The following CTNNA3 variants were observed in gnomAD, a reference collection of about 807,000 sequenced individuals.
CTNNA3 encodes the protein catenin alpha 3.
Under a neutral mutation model 95.7 loss-of-function variants are expected in CTNNA3, and 76 were observed. The ratio of observed to expected loss-of-function variants is 0.79; its 90% CI spans 0.66 to 0.96. CTNNA3 has a LOEUF of 0.96. CTNNA3 is among the 40% of genes least tolerant of loss of function. CTNNA3 has a pLI of 0.00. For synonymous variants in CTNNA3, 431 were observed against 374.4 expected (o/e 1.15, Z -1.74); for missense variants, 1,191 against 1,089.8 (o/e 1.09, Z -1.31).
At chr10:67,696,949 TA>T (rs1564834564), upstream of CTNNA3, among the ~76,000 whole-genome samples, 1 of 152,230 alleles carries the variant, frequency 6.6e-6, no homozygotes, top group South Asian at 2.1e-4. Flanking sequence ...AGGTGCTAAC[TA>T]AAATATGAAC....
intron 7 of CTNNA3, among the ~76,000 whole-genome samples, chr10:66,779,647 C>T (rs1226298617): frequency 1.3e-5 from 2 of 152,208 alleles, no homozygotes; most frequent in African/African-American, 4.8e-5. Flanking sequence ...AGGCATAAGC[C>T]ACTGCACCTG....
intron 9 of CTNNA3, among the ~76,000 whole-genome samples, chr10:66,759,942 T>C (rs1839536002): frequency 2.6e-5 from 4 of 152,166 alleles, no homozygotes; most frequent in Admixed American, 2.6e-4. Context: ...CTAGAAAATT[T>C]AAAACTATAC....
Position 67,640,647 on chromosome 10 carries a change from CA to C in CTNNA3, c.99+6767del, listed in dbSNP as rs565636283. Among the ~76,000 whole-genome samples, 380 of 152,200 alleles carry C rather than the reference CA, an allele frequency of 2.5e-3. 1 individual carries two copies. The highest frequency in any genetic ancestry group is 4.0e-3 in the Non-Finnish European group (275 of 68,022). On this transcript the variant is annotated intron_variant, in intron 2 of 17. Coordinates refer to ENST00000433211, the MANE Select transcript of CTNNA3 (RefSeq NM_013266.4). ...AACCAAAACAGCATGGTACTGGTAC[CA>C]AAACAGAGATATCGACCAATGGAAC...
intron 17 of CTNNA3, among the ~76,000 whole-genome samples, chr10:65,960,013 G>T (rs528424326): frequency 6.6e-6 from 1 of 152,232 alleles, no homozygotes; most frequent in African/African-American, 2.4e-5. Flanking sequence ...TCTCTTCTAA[G>T]CAGTGTTGAG....
chr10:66,607,499 A>G (rs1223954551), intron 10 of CTNNA3, among the ~76,000 whole-genome samples: 1 of 142,266 alleles, frequency 7.0e-6, no homozygotes, highest in African/African-American at 2.6e-5. Flanking sequence ...AAAAAAAAGC[A>G]AGAAAGAAAA....
chr10:66,893,477 C>T (rs1845350880), intron 7 of CTNNA3, among the ~76,000 whole-genome samples: 1 of 150,476 alleles, frequency 6.6e-6, no homozygotes, highest in African/African-American at 2.4e-5. Context: ...CAGTCTAAAG[C>T]ATAGATTAAG....
chr10:66,139,550 A>C (rs780995209), intron 13 of CTNNA3, among the ~76,000 whole-genome samples: 7 of 151,962 alleles, frequency 4.6e-5, no homozygotes, highest in Non-Finnish European at 2.9e-5. Context: ...AGGTTTCCCA[A>C]CTCTTGCTTT....
chr10:65,997,647 C>A (rs1032557501), intron 15 of CTNNA3, among the ~76,000 whole-genome samples: 2 of 152,098 alleles, frequency 1.3e-5, no homozygotes, highest in Non-Finnish European at 2.9e-5. Context: ...ATAAGAACAC[C>A]ATTCATGTAT....
intron 12 of CTNNA3, among the ~76,000 whole-genome samples, chr10:66,327,416 T>C (rs2092267683): frequency 6.6e-6 from 1 of 152,070 alleles, no homozygotes; most frequent in Admixed American, 6.6e-5. Context: ...TTTTGGAACA[T>C]TTAAAATGAT....
intron 10 of CTNNA3, among the ~76,000 whole-genome samples, chr10:66,538,771 A>G (rs1176015673): frequency 6.6e-6 from 1 of 152,222 alleles, no homozygotes; most frequent in Non-Finnish European, 1.5e-5. Context: ...GTCTTCTGTC[A>G]CAATACTGTC....
chr10:66,114,634 A>C (rs1385617649), intron 13 of CTNNA3, among the ~76,000 whole-genome samples: 1 of 151,968 alleles, frequency 6.6e-6, no homozygotes, highest in African/African-American at 2.4e-5. Flanking sequence ...TAATCCCAGC[A>C]CTTTGGGAGG....
chr10:66,690,885 G>A (rs1237806148), intron 9 of CTNNA3, among the ~76,000 whole-genome samples: 1 of 152,144 alleles, frequency 6.6e-6, no homozygotes, highest in Non-Finnish European at 1.5e-5. Context: ...CCAGATCCCT[G>A]AGGAATTGCC....
At chr10:66,331,381 T>C (rs2092328871) in intron 12 of CTNNA3, among the ~76,000 whole-genome samples, 1 of 135,658 alleles carries the variant, frequency 7.4e-6, no homozygotes, top group African/African-American at 3.0e-5. Context: ...TGAGACGGAG[T>C]TTTGCTCTGT....
At chr10:66,930,866 G>C (rs1433130551) in intron 7 of CTNNA3, among the ~76,000 whole-genome samples, 1 of 152,144 alleles carries the variant, frequency 6.6e-6, no homozygotes, top group Non-Finnish European at 1.5e-5. Context: ...TTTGGGACAT[G>C]AAATTATGGG....
At chr10:67,449,891 T>C (rs987857457) in intron 5 of CTNNA3, among the ~76,000 whole-genome samples, 5 of 151,718 alleles carry the variant, frequency 3.3e-5, no homozygotes, top group African/African-American at 9.7e-5. Context: ...GAAAAAATTT[T>C]GCAAACTAAC....
intron 5 of CTNNA3, among the ~76,000 whole-genome samples, chr10:67,506,679 G>A (rs1204509664): frequency 6.6e-6 from 1 of 152,192 alleles, no homozygotes; most frequent in Non-Finnish European, 1.5e-5. Context: ...CAAAACAGCT[G>A]TAGTTGAAGC....
chr10:67,238,578 A>C (rs1865593948), intron 5 of CTNNA3, among the ~76,000 whole-genome samples: 1 of 152,152 alleles, frequency 6.6e-6, no homozygotes, highest in South Asian at 2.1e-4. Context: ...CTTTAAAAGC[A>C]ATTTTGAACA....
At chr10:66,821,062 G>A (rs1842289950) in intron 7 of CTNNA3, among the ~76,000 whole-genome samples, 1 of 151,770 alleles carries the variant, frequency 6.6e-6, no homozygotes, top group Non-Finnish European at 1.5e-5. Flanking sequence ...ATTTAATTAT[G>A]GATATACCTG....
At chr10:67,048,478 A>G (rs977622730) in intron 7 of CTNNA3, among the ~76,000 whole-genome samples, 2 of 152,142 alleles carry the variant, frequency 1.3e-5, no homozygotes, top group African/African-American at 2.4e-5. Context: ...GCAATAATAT[A>G]TGCAAAATAG....
Sources: allele counts gnomAD v4.1 joint callset (sites outside exome capture counted in the v4.1 genomes callset), GRCh38; gene constraint gnomAD v4.1.1; transcripts MANE v1.5; gene names NCBI Gene and HGNC (gene_info 2026-07-23, HGNC 2026-07-21).